MAP3K6: variants seen among roughly 807,000 people sequenced by gnomAD.
MAP3K6 encodes the protein apoptosis signal-regulating kinase 2.
MAP3K6 carries 105 observed loss-of-function variants against 147.1 expected under a neutral mutation model. The observed-to-expected ratio is 0.71, with a 90% CI of 0.61 to 0.84. The LOEUF (loss-of-function observed/expected upper bound fraction) is 0.84. MAP3K6 is among the 40% of genes least tolerant of loss of function. MAP3K6 has a pLI of 0.00. For synonymous variants in MAP3K6, 695 were observed against 732.4 expected (o/e 0.95, Z 0.82); for missense variants, 1,569 against 1,715.0 (o/e 0.91, Z 1.50).
rs2015727810 is a variant in MAP3K6, at chr1:27,360,806, C to T, written c.1953G>A (p.Arg651=). 1 of 1,612,790 alleles carries T rather than the reference C, an allele frequency of 6.2e-7. No individual in the cohort carries two copies. The highest frequency in any genetic ancestry group is 1.7e-5 in the Admixed American group (1 of 60,002). ...FDYEYTETGE[R]LVLGKGTYGV... is the part of the protein sequence containing the mutation. ...CATACGTGCCCTTGCCCAGCACCAGCCGCTCGCCCGTCTCCGTGTACTCAT... is the reference window on the plus strand; with the variant it reads ...CATACGTGCCCTTGCCCAGCACCAGTCGCTCGCCCGTCTCCGTGTACTCAT... Residue 651 remains arginine, a synonymous_variant, in exon 15 of 29, where the codon CGG becomes CGA. Coordinates refer to ENST00000357582, the MANE Select transcript of MAP3K6 (RefSeq NM_004672.5). This position sits in a 1 kb window ranked among gnomAD's most constrained non-coding sequence, Gnocchi z 4.5.
rs2015830838 is a variant in MAP3K6 at position 27,362,853 on chromosome 1, G to A, written c.1140C>T (p.His380=). The A allele has an allele frequency of 1.2e-6, 2 of 1,613,892 alleles. No individual in the cohort carries two copies. The highest frequency in any genetic ancestry group is 1.1e-5 in the South Asian group (1 of 91,050). The change falls in exon 7 of 29, where the codon CAC becomes CAT. Residue 380 remains histidine, a splice_region_variant and synonymous_variant. Coordinates refer to ENST00000357582, the MANE Select transcript of MAP3K6 (RefSeq NM_004672.5). ...QDAGHREQAY[H]WYRKAFDVEP... is the part of the protein sequence containing the mutation. ...CGGCCACTCACTGTGCTCTTTACCA[G>A]TGATAGGCCTGCTCCCGGTGCCCAG...
In MAP3K6 at chr1:27,358,458, G is replaced by A. The variant is rs376352782; in HGVS notation, c.2737C>T (p.Arg913Cys). 43 of 1,594,158 alleles carry A rather than the reference G, an allele frequency of 2.7e-5. No individual in the cohort carries two copies. The highest frequency in any genetic ancestry group is 8.2e-5 in the African/African-American group (6 of 73,294). ...DPFLQPGKRS[R>C]SPSSPRHAPR... ...GCATGTCGTGGGGAGCTGGGGCTGC[G>A]GCTCCTTTTCCCAGGCTGCAGGAAG... The change falls in exon 20 of 29, where the codon CGC becomes TGC. Residue 913 changes from arginine (R) to cysteine (C), a missense_variant. Transcript: ENST00000357582. This position sits in a 1 kb window ranked among gnomAD's most constrained non-coding sequence, Gnocchi z 6.2.
chr1:27,361,300 A>G, intron 12 of MAP3K6, 46 bp downstream of exon 12: 1 of 1,613,322 alleles, frequency 6.2e-7, no homozygotes, highest in Non-Finnish European at 8.5e-7. Flanking sequence ...GGTGGCAGCG[A>G]CCCTCACCTC....
rs1010213446 is a variant in MAP3K6, at chr1:27,360,563, C to T, written c.2054+142G>A. 5.0e-6 allele frequency: 7 copies of T among 1,403,320 alleles called. No homozygotes were observed. In the African/African-American group the frequency reaches 8.6e-5, roughly 17 times the overall value. The allele number at this position is 1,403,320 out of a possible 1,614,324, so 86.9% of individuals were successfully genotyped here. On this transcript the variant is annotated intron_variant, in intron 15 of 28. Transcript: ENST00000357582. The surrounding 1 kb of genome is among the most constrained non-coding windows in gnomAD (Gnocchi z 4.5). ...CGCACGGTCCTGGCTGTTCCGCCCA[C>T]GGGCCCAGTCCACAGGGCTCGAACT... is the stretch of plus-strand genomic sequence containing the variant.
rs1188475913 is a variant in MAP3K6, at chr1:27,366,252, T to C, written c.340+6A>G. On this transcript the variant is annotated splice_donor_region_variant and intron_variant, in intron 1 of 28. Transcript: ENST00000357582. This position sits in a 1 kb window ranked among gnomAD's most constrained non-coding sequence, Gnocchi z 5.5. The stretch of plus-strand genomic sequence containing the variant: ...CCGGATCCGGCCCCGCCCCCAGCGC[T>C]CTCACCCGCGTTGTAGAAGGCATCC... 1.5e-6 allele frequency: 2 copies of C among 1,316,322 alleles called. No homozygotes were observed. The highest frequency in any genetic ancestry group is 9.7e-7 in the Non-Finnish European group (1 of 1,034,538). 81.5% of individuals were successfully genotyped at this position (1,316,322 alleles called of 1,614,324 possible).
chr1:27,358,783 AG>A lies in MAP3K6; in HGVS notation c.2508del (p.Cys837AlafsTer155). Reference protein sequence around the residue: ...YGKAADIWSLGCTVIEMATGR... With the variant: ...YGKAADIWSLXCTVIEMATGR... ...CCTGTGGCCATCTCAATGACAGTGC[AG>A]CCCAGTGACCAGATGTCAGCTGCTT... On this transcript the variant is annotated frameshift_variant, in exon 19 of 29. Transcript: ENST00000357582. LOFTEE classifies it high-confidence loss of function. This position sits in a 1 kb window ranked among gnomAD's most constrained non-coding sequence, Gnocchi z 6.2. 6.2e-7 allele frequency: 1 copy of A among 1,613,878 alleles called. No individual in the cohort carries two copies. The highest frequency in any genetic ancestry group is 8.5e-7 in the Non-Finnish European group (1 of 1,179,928).
chr1:27,357,864 C>T lies in MAP3K6; in HGVS notation c.2928G>A (p.Glu976=), dbSNP rs1422574996. 6.3e-7 allele frequency: 1 copy of T among 1,592,280 alleles called. No homozygotes were observed. Among genetic ancestry groups the T allele is most frequent in the East Asian group, 2.3e-5 (1 of 44,150 alleles). ...GAGACGCAGGCTCCTCGGCCGCAGGCTCCTCGGGCACCCTGGGCACAAGGG... is the reference window on the plus strand; with the variant it reads ...GAGACGCAGGCTCCTCGGCCGCAGGTTCCTCGGGCACCCTGGGCACAAGGG... The part of the protein sequence containing the change: ...GGTSQLRVPE[E]PAAEEPASPE... Residue 976 remains glutamate, a synonymous_variant, in exon 22 of 29, where the codon GAG becomes GAA. Transcript: ENST00000357582.
rs2015577385 is a variant in MAP3K6 at position 27,357,588 on chromosome 1, G to T, written c.3082-12C>A. On this transcript the variant is annotated splice_polypyrimidine_tract_variant and intron_variant, in intron 22 of 28. Coordinates refer to ENST00000357582, the MANE Select transcript of MAP3K6 (RefSeq NM_004672.5). The stretch of plus-strand genomic sequence containing the variant: ...CCCAGACGGGCCCCCTGAGAAGGAA[G>T]AGAGGGGTTGTCAGCGAGTGCTCCA... 6.2e-7 allele frequency: 1 copy of T among 1,601,652 alleles called. No individual in the cohort carries two copies. The highest frequency in any genetic ancestry group is 1.3e-5 in the African/African-American group (1 of 74,586).
Position 27,364,203 on chromosome 1 carries a change from C to G in MAP3K6, c.695+1G>C. The G allele has an allele frequency of 1.9e-6, 3 of 1,610,964 alleles. No individual in the cohort carries two copies. Among genetic ancestry groups the G allele is most frequent in the Non-Finnish European group, 2.5e-6 (3 of 1,179,368 alleles). On this transcript the variant is annotated splice_donor_variant, in intron 4 of 28. Transcript: ENST00000357582. LOFTEE classifies it high-confidence loss of function. The surrounding 1 kb of genome is among the most constrained non-coding windows in gnomAD (Gnocchi z 4.4). ...GCACCCTCCCTGGGGGCCTTCATTA[C>G]CAAGAGTCTGTGGGTGTGGCCTCCA...
chr1:27,360,116 C>A lies in MAP3K6; in HGVS notation c.2183-122G>T. 1.3e-6 allele frequency: 2 copies of A among 1,576,930 alleles called. No homozygotes were observed. Among genetic ancestry groups the A allele is most frequent in the Non-Finnish European group, 1.7e-6 (2 of 1,156,946 alleles). On this transcript the variant is annotated intron_variant, in intron 16 of 28. Coordinates refer to ENST00000357582, the MANE Select transcript of MAP3K6 (RefSeq NM_004672.5). This position sits in a 1 kb window ranked among gnomAD's most constrained non-coding sequence, Gnocchi z 4.5. The stretch of plus-strand genomic sequence containing the variant: ...TCCATCACCCAGCGCCACTCCTCAG[C>A]TAATTCTAGGCTACACCACCCACAC...
chr1:27,361,995 G>A, intron 9 of MAP3K6, 96 bp downstream of exon 9: 2 of 1,524,220 alleles, frequency 1.3e-6, no homozygotes, highest in Non-Finnish European at 1.8e-6. Flanking sequence ...AAAGCAGCCA[G>A]GTCATTGGCT....
At chr1:27,356,947 T>G in intron 24 of MAP3K6, 62 bp downstream of exon 24, 1 of 1,554,406 alleles carries the variant, frequency 6.4e-7, no homozygotes, top group South Asian at 1.1e-5. Context: ...CATTCGATGT[T>G]CACCGCGCCC....
At position 27,358,292 on chromosome 1, in the gene MAP3K6, G is replaced by A. The variant is rs1477658321; in HGVS notation, c.2804C>T (p.Ser935Leu). 26 of 1,609,158 alleles carry A rather than the reference G, an allele frequency of 1.6e-5. No individual in the cohort carries two copies. The highest frequency in any genetic ancestry group is 2.1e-5 in the Non-Finnish European group (25 of 1,178,698). ...SDAPSASPTP[S>L]ANSTTQSQTF... ...CTGAGACTGGGTGGTTGAGTTGGCT[G>A]AAGGAGTGGGACTGGCAGAAGGGGC... Residue 935 changes from serine to leucine, a missense_variant, in exon 21 of 29, where the codon TCA (serine) becomes TTA (leucine). Physicochemically the swap from Ser to Leu is moderately radical, Grantham distance 145 (BLOSUM62 -2). Transcript: ENST00000357582. The surrounding 1 kb of genome is among the most constrained non-coding windows in gnomAD (Gnocchi z 6.2).
At position 27,366,727 on chromosome 1, in the gene MAP3K6, G is replaced by T; in HGVS notation, c.-130C>A. On this transcript the variant is annotated 5_prime_UTR_variant, in exon 1 of 29. Coordinates refer to ENST00000357582, the MANE Select transcript of MAP3K6 (RefSeq NM_004672.5). This position sits in a 1 kb window ranked among gnomAD's most constrained non-coding sequence, Gnocchi z 5.5. ...CGGAGAATCTCCCACGGGATCTAGG[G>T]ATCCGGAATACGGCCTGACGTCCCG... is the stretch of plus-strand genomic sequence containing the variant. 1.5e-6 allele frequency: 1 copy of T among 661,680 alleles called. No individual in the cohort carries two copies. Among genetic ancestry groups the T allele is most frequent in the Non-Finnish European group, 1.9e-6 (1 of 530,370 alleles). The allele number at this position is 661,680 out of a possible 1,614,324, so 41.0% of individuals were successfully genotyped here.
intron 23 of MAP3K6, 91 bp from the exon 24 acceptor site, chr1:27,357,205 G>A (rs2015560547): frequency 2.2e-6 from 3 of 1,338,366 alleles, no homozygotes; most frequent in Non-Finnish European, 3.2e-6. Context: ...TTCGGCGGGA[G>A]GCGAGTGGGG....
Position 27,357,812 on chromosome 1 carries a change from G to T in MAP3K6, c.2980C>A (p.Leu994Met). Residue 994 changes from leucine to methionine, a missense_variant, in exon 22 of 29, where the codon CTG (leucine) becomes ATG (methionine). By Grantham distance (15) the Leu-to-Met change is conservative. Transcript: ENST00000357582. Reference protein sequence around the residue: ...SPEESSGLSLLHQESKRRAML... With the variant: ...SPEESSGLSLMHQESKRRAML... ...GCCCGACGCTTGCTCTCCTGGTGCAGCAGGCTCAGCCCCGAACTCTCCTCC... is the reference window on the plus strand; with the variant it reads ...GCCCGACGCTTGCTCTCCTGGTGCATCAGGCTCAGCCCCGAACTCTCCTCC... The T allele has an allele frequency of 1.2e-6, 2 of 1,604,716 alleles. No homozygotes were observed. The highest frequency in any genetic ancestry group is 8.5e-7 in the Non-Finnish European group (1 of 1,177,322).
In MAP3K6 at chr1:27,358,316, G is replaced by C; in HGVS notation, c.2780C>G (p.Ala927Gly). The change falls in exon 21 of 29, where the codon GCC becomes GGC. Residue 927 changes from alanine to glycine, a missense_variant. By Grantham distance (60) the Ala-to-Gly change is moderately conservative. Transcript: ENST00000357582. The surrounding 1 kb of genome is among the most constrained non-coding windows in gnomAD (Gnocchi z 6.2). Reference sequence around the variant, plus strand: ...TGAAGGAGTGGGACTGGCAGAAGGGGCATCTGAGGGAGGGACAGAGCCATC... The same window carrying C: ...TGAAGGAGTGGGACTGGCAGAAGGGCCATCTGAGGGAGGGACAGAGCCATC... ...SPRHAPRPSD[A>G]PSASPTPSAN... 6.2e-7 allele frequency: 1 copy of C among 1,607,920 alleles called. No individual in the cohort carries two copies. Among genetic ancestry groups the C allele is most frequent in the African/African-American group, 1.3e-5 (1 of 74,424 alleles).
rs1248455603 is a variant in MAP3K6 at position 27,357,580 on chromosome 1, A to T, written c.3082-4T>A. 15 of 1,605,224 alleles carry T rather than the reference A, an allele frequency of 9.3e-6. No homozygotes were observed. Among genetic ancestry groups the T allele is most frequent in the Non-Finnish European group, 1.2e-5 (14 of 1,175,158 alleles). On this transcript the variant is annotated splice_polypyrimidine_tract_variant and splice_region_variant and intron_variant, in intron 22 of 28. Transcript: ENST00000357582. ...GGTTTCTGCCCAGACGGGCCCCCTG[A>T]GAAGGAAGAGAGGGGTTGTCAGCGA... is the stretch of plus-strand genomic sequence containing the variant.
At chr1:27,361,466 T>C (rs2015767757) in intron 11 of MAP3K6, 54 bp downstream of exon 11, 2 of 1,611,640 alleles carry the variant, frequency 1.2e-6, no homozygotes, top group African/African-American at 1.3e-5. Flanking sequence ...GGAGAAAGGC[T>C]CCACAGAAAA....
Sources: allele counts gnomAD v4.1 joint callset, GRCh38; gene constraint gnomAD v4.1.1; non-coding constraint Gnocchi (gnomAD v3.1); transcripts MANE v1.5; gene names NCBI Gene and HGNC (gene_info 2026-07-23, HGNC 2026-07-21).